Variants in ZNF804B observed in about 807,000 individuals in gnomAD.
ZNF804B encodes zinc finger protein 804B.
ZNF804B carries 80 observed loss-of-function variants against 101.4 expected under a neutral mutation model. The ratio of observed to expected loss-of-function variants is 0.79; its 90% confidence interval spans 0.66 to 0.95. The LOEUF is 0.95. ZNF804B is among the 40% of genes least tolerant of loss of function. The pLI is 0.00. For missense variants in ZNF804B, 1,673 were observed against 1,561.9 expected, an observed-to-expected ratio of 1.07 and a Z score of -1.20; for synonymous variants, 622 against 558.8, an observed-to-expected ratio of 1.11 and a Z score of -1.59.
intron 1 of ZNF804B, among the ~76,000 whole-genome samples, chr7:88,995,032 G>T (rs891279711): frequency 5.3e-5 from 8 of 151,878 alleles, no homozygotes; most frequent in Non-Finnish European, 8.8e-5. Flanking sequence ...TTTAGTTCCT[G>T]GAAAAAAATG....
chr7:89,280,549 G>A (rs1011722761), intron 2 of ZNF804B, among the ~76,000 whole-genome samples: 21 of 151,968 alleles, frequency 1.4e-4, no homozygotes, highest in Non-Finnish European at 2.5e-4. Flanking sequence ...TCAAATAGAC[G>A]CAATAAAAAA....
intron 2 of ZNF804B, among the ~76,000 whole-genome samples, chr7:89,319,860 C>T (rs1490981635): frequency 1.3e-5 from 2 of 152,112 alleles, no homozygotes; most frequent in Admixed American, 6.5e-5. Context: ...GCCCAACACT[C>T]GTACTTGAGG....
intron 2 of ZNF804B, among the ~76,000 whole-genome samples, chr7:89,256,087 T>A (rs1789628448): frequency 6.6e-6 from 1 of 152,182 alleles, no homozygotes; most frequent in African/African-American, 2.4e-5. Context: ...AACACTTTAT[T>A]TTTCTTAAAA....
chr7:89,257,848 T>A (rs908451212), intron 2 of ZNF804B, among the ~76,000 whole-genome samples: 2 of 152,132 alleles, frequency 1.3e-5, no homozygotes, highest in Admixed American at 1.3e-4. Flanking sequence ...CACTTATATG[T>A]GAGAACATGT....
At chr7:89,142,460 C>G (rs577890274) in intron 1 of ZNF804B, among the ~76,000 whole-genome samples, 2 of 152,092 alleles carry the variant, frequency 1.3e-5, no homozygotes, top group South Asian at 2.1e-4. Context: ...GACCTTTGCT[C>G]TTGGCAGATG....
chr7:89,265,312 A>G (rs1789776596), intron 2 of ZNF804B, among the ~76,000 whole-genome samples: 2 of 120,796 alleles, frequency 1.7e-5, no homozygotes, highest in African/African-American at 6.7e-5. Flanking sequence ...GCGCGCGCAC[A>G]CATGCACGTG....
At chr7:89,095,274 GCC>G (rs1220712939) in intron 1 of ZNF804B, among the ~76,000 whole-genome samples, 9 of 152,122 alleles carry the variant, frequency 5.9e-5, no homozygotes, top group African/African-American at 1.7e-4. Context: ...GTCACAAAAT[GCC>G]ATCTTGGAAG....
intron 1 of ZNF804B, among the ~76,000 whole-genome samples, chr7:88,893,122 C>T (rs1475267607): frequency 2.0e-5 from 3 of 152,054 alleles, no homozygotes; most frequent in Non-Finnish European, 4.4e-5. Flanking sequence ...TCATTATATC[C>T]TAAATCTAGG....
chr7:88,900,371 A>G (rs1250391008), intron 1 of ZNF804B, among the ~76,000 whole-genome samples: 3 of 151,908 alleles, frequency 2.0e-5, no homozygotes, highest in Non-Finnish European at 2.9e-5. Context: ...CATTCCTATT[A>G]GATTTTACTT....
At chr7:89,283,560 C>T (rs111553882) in intron 2 of ZNF804B, among the ~76,000 whole-genome samples, 2,836 of 152,220 alleles carry the variant, frequency 0.019, 73 homozygotes, top group African/African-American at 0.064. Context: ...TTCATTTGAT[C>T]CCTGCTGTGT....
intron 1 of ZNF804B, among the ~76,000 whole-genome samples, chr7:88,845,178 A>G (rs1306595233): frequency 6.6e-6 from 1 of 152,202 alleles, no homozygotes; most frequent in African/African-American, 2.4e-5. Context: ...TTCTGTTTTA[A>G]TCTATTACGT....
At chr7:88,830,676 G>A (rs1454113371) in intron 1 of ZNF804B, among the ~76,000 whole-genome samples, 1 of 151,940 alleles carries the variant, frequency 6.6e-6, no homozygotes, top group South Asian at 2.1e-4. Flanking sequence ...TGACATTGGT[G>A]AAACATTATT....
intron 1 of ZNF804B, among the ~76,000 whole-genome samples, chr7:89,127,204 G>A (rs1024277416): frequency 3.3e-5 from 5 of 151,718 alleles, no homozygotes; most frequent in African/African-American, 4.8e-5. Flanking sequence ...AATAAATATC[G>A]ATATTGATGT....
At chr7:88,997,400 A>G (rs1232114115) in intron 1 of ZNF804B, among the ~76,000 whole-genome samples, 1 of 152,144 alleles carries the variant, frequency 6.6e-6, no homozygotes, top group Non-Finnish European at 1.5e-5. Context: ...TCTTCTGAAG[A>G]CATGGAGTTT....
At chr7:89,270,398 G>T (rs558589912) in intron 2 of ZNF804B, among the ~76,000 whole-genome samples, 1 of 152,194 alleles carries the variant, frequency 6.6e-6, no homozygotes, top group Admixed American at 6.6e-5. Flanking sequence ...TTATTTTTGA[G>T]GGCTCTGTTC....
chr7:89,282,089 T>C (rs1055030494), intron 2 of ZNF804B, among the ~76,000 whole-genome samples: 2 of 150,994 alleles, frequency 1.3e-5, no homozygotes, highest in Non-Finnish European at 2.9e-5. Context: ...TAGTCCCAGC[T>C]ACTTGGGAGG....
At chr7:89,321,198 C>T (rs1015473886) in intron 2 of ZNF804B, among the ~76,000 whole-genome samples, 9 of 151,994 alleles carry the variant, frequency 5.9e-5, no homozygotes, top group African/African-American at 9.7e-5. Flanking sequence ...ATTTATGATG[C>T]GGCCAGGCAC....
At chr7:88,770,876 A>G (rs1032406452) in intron 1 of ZNF804B, among the ~76,000 whole-genome samples, 4 of 152,222 alleles carry the variant, frequency 2.6e-5, no homozygotes, top group African/African-American at 9.6e-5. Context: ...GTGAGAACAA[A>G]GAACATCCTA....
intron 1 of ZNF804B, among the ~76,000 whole-genome samples, chr7:89,140,399 T>G (rs1790697992): frequency 6.6e-6 from 1 of 152,074 alleles, no homozygotes; most frequent in African/African-American, 2.4e-5. Flanking sequence ...AGATTTTGAC[T>G]TTTACTCTCT....
Sources: allele counts gnomAD v4.1 joint callset (sites outside exome capture counted in the v4.1 genomes callset), GRCh38; gene constraint gnomAD v4.1.1; transcripts MANE v1.5; gene names NCBI Gene and HGNC (gene_info 2026-07-23, HGNC 2026-07-21).